Variants in AGBL1 observed in about 807,000 individuals in gnomAD.
The protein encoded by AGBL1 is AGBL carboxypeptidase 1.
In AGBL1, 130 loss-of-function variants were observed where a neutral mutation model predicts 118.9. The observed-to-expected ratio is 1.09, with a 90% confidence interval of 0.95 to 1.26. AGBL1 has a LOEUF of 1.26. AGBL1 is among the 50% of genes most tolerant of loss of function. The probability of loss-of-function intolerance (pLI) is 0.00; values close to 1 mark genes in which losing one functional copy is unlikely to be tolerated. For synonymous variants in AGBL1, 555 were observed against 478.9 expected, an observed-to-expected ratio of 1.16 and a Z score of -2.08; for missense variants, 1,584 against 1,298.1, an observed-to-expected ratio of 1.22 and a Z score of -3.38.
intron 19 of AGBL1, among the ~76,000 whole-genome samples, chr15:86,539,948 A>G (rs1410382556): frequency 6.6e-6 from 1 of 152,170 alleles, no homozygotes; most frequent in East Asian, 1.9e-4. Context: ...CAGCTTCTGG[A>G]TGGGGTAATA....
At chr15:86,838,351 C>T (rs2079196446) in intron 22 of AGBL1, among the ~76,000 whole-genome samples, 1 of 152,044 alleles carries the variant, frequency 6.6e-6, no homozygotes, top group Non-Finnish European at 1.5e-5. Flanking sequence ...TATAATATAC[C>T]CTTATTCTTT....
At chr15:86,777,790 T>G (rs1274553614) in intron 22 of AGBL1, among the ~76,000 whole-genome samples, 1 of 152,168 alleles carries the variant, frequency 6.6e-6, no homozygotes, top group Non-Finnish European at 1.5e-5. Flanking sequence ...CTTTTAATTT[T>G]TATCCACATT....
At chr15:86,972,843 C>G (rs571595883) in intron 23 of AGBL1, among the ~76,000 whole-genome samples, 14 of 151,984 alleles carry the variant, frequency 9.2e-5, no homozygotes, top group African/African-American at 2.9e-4. Flanking sequence ...CACAATCTGA[C>G]AAGTAATTTT....
intron 24 of AGBL1, among the ~76,000 whole-genome samples, chr15:87,007,933 C>G (rs185921193): frequency 6.6e-6 from 1 of 152,180 alleles, no homozygotes; most frequent in African/African-American, 2.4e-5. Context: ...GAAACTGAAT[C>G]TCTGCAGCCT....
At chr15:86,919,028 G>A (rs967955346), downstream of AGBL1, among the ~76,000 whole-genome samples, 15 of 152,288 alleles carry the variant, frequency 9.8e-5, no homozygotes, top group South Asian at 2.1e-4. Context: ...TTTGAAGGCT[G>A]TGGCATAGTA....
intron 23 of AGBL1, among the ~76,000 whole-genome samples, chr15:86,955,086 A>G (rs374758673): frequency 6.6e-6 from 1 of 152,104 alleles, no homozygotes; most frequent in African/African-American, 2.4e-5. Context: ...GCTGTCGTAC[A>G]TTTCACTATT....
At chr15:86,802,013 C>A (rs948468554) in intron 22 of AGBL1, among the ~76,000 whole-genome samples, 1 of 152,088 alleles carries the variant, frequency 6.6e-6, no homozygotes. Flanking sequence ...CCTTTGGAGA[C>A]TAAACAGCTC....
intron 18 of AGBL1, among the ~76,000 whole-genome samples, chr15:86,441,167 T>A (rs1161742818): frequency 6.6e-6 from 1 of 152,218 alleles, no homozygotes; most frequent in African/African-American, 2.4e-5. Context: ...GGTGTGGTTA[T>A]TGTGCCACGT....
chr15:86,636,756 T>C (rs2437791), intron 21 of AGBL1, among the ~76,000 whole-genome samples: 1,877 of 51,504 alleles, frequency 0.036, 210 homozygotes, highest in Non-Finnish European at 0.045. Flanking sequence ...TATATATATA[T>C]ATACACATAC....
intron 22 of AGBL1, among the ~76,000 whole-genome samples, chr15:86,694,935 A>G (rs2086231036): frequency 6.6e-6 from 1 of 151,940 alleles, no homozygotes. Context: ...TGCATCCTTG[A>G]TATGAAACCC....
intron 22 of AGBL1, among the ~76,000 whole-genome samples, chr15:86,895,307 G>A (rs2080109574): frequency 6.6e-6 from 1 of 151,166 alleles, no homozygotes; most frequent in African/African-American, 2.4e-5. Context: ...AAAATAACCT[G>A]TACCTTATGT....
At chr15:86,227,070 T>A (rs1205827828) in intron 6 of AGBL1, among the ~76,000 whole-genome samples, 1 of 152,258 alleles carries the variant, frequency 6.6e-6, no homozygotes, top group Non-Finnish European at 1.5e-5. Flanking sequence ...AATTTTTAAA[T>A]GAATACATGA....
At chr15:86,780,856 C>T (rs984413343) in intron 22 of AGBL1, among the ~76,000 whole-genome samples, 1 of 151,782 alleles carries the variant, frequency 6.6e-6, no homozygotes, top group Non-Finnish European at 1.5e-5. Flanking sequence ...TTAGTAGAGA[C>T]GTGGTTTCAC....
chr15:86,644,189 C>A (rs1005189791), intron 21 of AGBL1, among the ~76,000 whole-genome samples: 7 of 152,092 alleles, frequency 4.6e-5, no homozygotes, highest in African/African-American at 1.7e-4. Context: ...GGAATTAAAG[C>A]AATTCCAATT....
intron 23 of AGBL1, among the ~76,000 whole-genome samples, chr15:86,987,453 G>A (rs1007610278): frequency 3.9e-5 from 6 of 152,170 alleles, no homozygotes; most frequent in African/African-American, 1.4e-4. Context: ...AAATAAGACA[G>A]TTTATTTCCA....
chr15:86,349,095 ATGCCAAAGGT>A (rs1192726989), intron 17 of AGBL1, among the ~76,000 whole-genome samples: 2 of 152,240 alleles, frequency 1.3e-5, no homozygotes, highest in Non-Finnish European at 2.9e-5. Context: ...AAGCCAAAGC[ATGCCAAAGGT>A]TGCCAAGAAC....
intron 5 of AGBL1, among the ~76,000 whole-genome samples, chr15:86,165,924 C>A (rs2077335126): frequency 6.6e-6 from 1 of 152,158 alleles, no homozygotes; most frequent in Non-Finnish European, 1.5e-5. Context: ...TGAATAGTTT[C>A]TTACATGAAT....
rs149477284 is a variant in AGBL1, at chr15:86,247,766, G to A, written c.622G>A (p.Val208Met). 15,894 of 1,613,968 alleles carry A rather than the reference G, an allele frequency of 9.8e-3. 110 individuals are homozygous for A. The highest frequency in any genetic ancestry group is 0.012 in the Non-Finnish European group (14,515 of 1,179,872). The stretch of plus-strand genomic sequence containing the variant: ...CAGCCATGACACAGCCAACGCCTAC[G>A]TGCAGATCCGACGGGGCTTGCTGCT... ...WHSHDTANAY[V>M]QIRRGLLLCL... The change falls in exon 7 of 23, where the codon GTG (valine) becomes ATG (methionine). Residue 208 changes from valine to methionine, a missense_variant. Physicochemically the swap from Val to Met is conservative, Grantham distance 21 (BLOSUM62 1). Coordinates refer to ENST00000614907, the MANE Select transcript of AGBL1 (RefSeq NM_001386094.1).
chr15:86,138,032 A>G (rs1188969468), intron 1 of AGBL1, among the ~76,000 whole-genome samples: 1 of 152,220 alleles, frequency 6.6e-6, no homozygotes, highest in Non-Finnish European at 1.5e-5. Flanking sequence ...AAAGCAGGCC[A>G]TTCCTTAGCT....
Sources: gnomAD v4.1 joint callset for allele counts (sites outside exome capture counted in the v4.1 genomes callset) on GRCh38, gnomAD v4.1.1 for gene constraint, MANE v1.5 for transcripts, NCBI Gene and HGNC (gene_info 2026-07-23, HGNC 2026-07-21) for gene names.